The following AGBL1 variants were observed in gnomAD, a reference collection of about 807,000 sequenced individuals.
AGBL1 encodes the protein AGBL carboxypeptidase 1.
AGBL1 carries 130 observed loss-of-function variants against 118.9 expected under a neutral mutation model. That is an observed-to-expected ratio of 1.09 (90% CI 0.95 to 1.26). AGBL1 has a LOEUF of 1.26. Among genes scored for constraint, AGBL1 ranks in the 50% most tolerant of loss-of-function variants. AGBL1 has a pLI of 0.00. For synonymous variants in AGBL1, 555 were observed against 478.9 expected, an observed-to-expected ratio of 1.16 and a Z score of -2.08; for missense variants, 1,584 against 1,298.1, an observed-to-expected ratio of 1.22 and a Z score of -3.38.
intron 5 of AGBL1, among the ~76,000 whole-genome samples, chr15:86,180,596 C>T (rs1336725851): frequency 1.3e-5 from 2 of 152,002 alleles, no homozygotes; most frequent in Non-Finnish European, 2.9e-5. Context: ...AGAGGAAAAC[C>T]TTTGTGATCT....
intron 22 of AGBL1, among the ~76,000 whole-genome samples, chr15:86,838,811 G>A (rs894693290): frequency 1.3e-5 from 2 of 151,504 alleles, no homozygotes; most frequent in African/African-American, 2.4e-5. Flanking sequence ...GGACATGGTG[G>A]TGCATGCCTG....
chr15:86,408,469 C>G (rs2081564894), intron 18 of AGBL1, among the ~76,000 whole-genome samples: 1 of 152,216 alleles, frequency 6.6e-6, no homozygotes, highest in African/African-American at 2.4e-5. Flanking sequence ...GTTCCTTCCA[C>G]ATGGAACTCA....
At chr15:86,942,015 A>G (rs2080758593) in intron 23 of AGBL1, among the ~76,000 whole-genome samples, 1 of 152,240 alleles carries the variant, frequency 6.6e-6, no homozygotes, top group Admixed American at 6.5e-5. Context: ...ACAGGCATCC[A>G]ACTCGAACCA....
chr15:86,266,576 C>T (rs8041327), intron 12 of AGBL1, 119 bp downstream of exon 12: 447,031 of 758,964 alleles, frequency 0.59, 138,728 homozygotes, highest in African/African-American at 0.87. Flanking sequence ...TGATGAAAAT[C>T]CAGGTTAAAG....
At chr15:86,508,328 T>A (rs2083006548) in intron 18 of AGBL1, among the ~76,000 whole-genome samples, 1 of 151,948 alleles carries the variant, frequency 6.6e-6, no homozygotes, top group Admixed American at 6.6e-5. Context: ...ACACAAAAGC[T>A]TTTCTGTAAC....
chr15:86,509,638 T>C (rs1296921240), intron 18 of AGBL1, among the ~76,000 whole-genome samples: 1 of 151,582 alleles, frequency 6.6e-6, no homozygotes, highest in Non-Finnish European at 1.5e-5. Context: ...ATATAGGAGA[T>C]AATAAATCTT....
intron 22 of AGBL1, among the ~76,000 whole-genome samples, chr15:86,829,496 C>T (rs919767682): frequency 5.3e-5 from 8 of 152,084 alleles, no homozygotes; most frequent in African/African-American, 1.2e-4. Context: ...AGTCACAGTT[C>T]ACATGCCAGA....
chr15:86,409,533 C>G (rs1287670651), intron 18 of AGBL1, among the ~76,000 whole-genome samples: 2 of 152,072 alleles, frequency 1.3e-5, no homozygotes, highest in African/African-American at 4.8e-5. Flanking sequence ...CAGACATTGC[C>G]ATTTTGAATA....
chr15:86,674,066 G>T (rs1245661155), intron 21 of AGBL1, among the ~76,000 whole-genome samples: 2 of 152,040 alleles, frequency 1.3e-5, no homozygotes, highest in African/African-American at 4.8e-5. Flanking sequence ...TACTTCTGGG[G>T]AGCCCTGGAT....
rs1426315134 is a variant in AGBL1, at chr15:86,527,486, C to G, written c.2685+4547C>G. Among the ~76,000 whole-genome samples, 4 of 152,298 alleles carry G rather than the reference C, an allele frequency of 2.6e-5. No homozygotes were observed. The East Asian group carries it at 5.8e-4, about 22-fold the overall frequency. On this transcript the variant is annotated intron_variant, in intron 19 of 22. Transcript: ENST00000614907. ...GCTGTTCACAGTGTTACAAAGCTCT[C>G]TAATGGGCTCAACATCACCTTTTAG...
At chr15:86,793,725 C>A (rs190739413) in intron 22 of AGBL1, among the ~76,000 whole-genome samples, 8 of 152,112 alleles carry the variant, frequency 5.3e-5, no homozygotes, top group Non-Finnish European at 2.9e-5. Flanking sequence ...CGTCTGATAA[C>A]GGTCTAGTAT....
At chr15:86,670,580 G>A (rs2085724545) in intron 21 of AGBL1, among the ~76,000 whole-genome samples, 1 of 139,768 alleles carries the variant, frequency 7.2e-6, no homozygotes, top group South Asian at 2.3e-4. Context: ...CTCCAGCCTG[G>A]GTGACAAGAG....
chr15:86,820,308 A>G (rs982329066), intron 22 of AGBL1, among the ~76,000 whole-genome samples: 1 of 152,226 alleles, frequency 6.6e-6, no homozygotes, highest in African/African-American at 2.4e-5. Context: ...CAATTAAACT[A>G]AAGAGCTTCT....
At chr15:86,953,072 T>C (rs1049145281) in intron 23 of AGBL1, among the ~76,000 whole-genome samples, 1 of 152,206 alleles carries the variant, frequency 6.6e-6, no homozygotes, top group Non-Finnish European at 1.5e-5. Context: ...TTGGTTACTA[T>C]AGTTTTATCG....
At chr15:86,647,472 G>A (rs865806184) in intron 21 of AGBL1, among the ~76,000 whole-genome samples, 5 of 152,168 alleles carry the variant, frequency 3.3e-5, no homozygotes, top group African/African-American at 4.8e-5. Context: ...AGGCCAAAGC[G>A]GGTAGATCAC....
chr15:86,829,888 C>T (rs1271807180), intron 22 of AGBL1, among the ~76,000 whole-genome samples: 2 of 152,078 alleles, frequency 1.3e-5, no homozygotes, highest in African/African-American at 4.8e-5. Context: ...GAATCTTTAG[C>T]ACCCTGGCCT....
chr15:86,828,938 AT>A (rs1193599754), intron 22 of AGBL1, among the ~76,000 whole-genome samples: 1 of 128,144 alleles, frequency 7.8e-6, no homozygotes, highest in East Asian at 2.1e-4. Flanking sequence ...ATATATATAT[AT>A]ATACTGTGTA....
intron 24 of AGBL1, among the ~76,000 whole-genome samples, chr15:86,999,079 C>T (rs2081408010): frequency 6.6e-6 from 1 of 151,096 alleles, no homozygotes; most frequent in Admixed American, 6.6e-5. Flanking sequence ...CTGTTCAATT[C>T]CCACCTATGA....
chr15:86,620,696 G>C (rs998989769), intron 21 of AGBL1, among the ~76,000 whole-genome samples: 3 of 152,122 alleles, frequency 2.0e-5, no homozygotes, highest in Non-Finnish European at 2.9e-5. Context: ...CTGGTTTGAA[G>C]TGACTCAGAA....
Sources: allele counts gnomAD v4.1 joint callset (sites outside exome capture counted in the v4.1 genomes callset), GRCh38; gene constraint gnomAD v4.1.1; transcripts MANE v1.5; gene names NCBI Gene and HGNC (gene_info 2026-07-23, HGNC 2026-07-21).